The following ACER3 variants were observed in gnomAD, a reference collection of about 807,000 sequenced individuals.
ACER3 encodes the protein alkCDase 3.
ACER3 carries 16 observed loss-of-function variants against 48.9 expected under a neutral mutation model. The ratio of observed to expected loss-of-function variants is 0.33; its 90% CI spans 0.22 to 0.50. The LOEUF (loss-of-function observed/expected upper bound fraction) is 0.50. ACER3 is among the 20% of genes least tolerant of loss of function. The pLI, the probability that ACER3 is intolerant of heterozygous loss-of-function variation, is 0.98. For synonymous variants in ACER3, 109 were observed against 107.8 expected (o/e 1.01, Z -0.07); for missense variants, 227 against 326.0 (o/e 0.70, Z 2.34).
At chr11:76,950,922 A>T (rs1191662232) in intron 2 of ACER3, among the ~76,000 whole-genome samples, 1 of 152,348 alleles carries the variant, frequency 6.6e-6, no homozygotes, top group Non-Finnish European at 1.5e-5. Flanking sequence ...TAAAAATTCT[A>T]CTTGCCCTCA....
At chr11:77,015,978 G>A (rs1445423957) in intron 8 of ACER3, among the ~76,000 whole-genome samples, 1 of 151,958 alleles carries the variant, frequency 6.6e-6, no homozygotes, top group African/African-American at 2.4e-5. Flanking sequence ...CTGGTGACGT[G>A]TGCCTGTAAT....
chr11:76,944,034 T>C (rs1333789013), intron 2 of ACER3, among the ~76,000 whole-genome samples: 1 of 151,862 alleles, frequency 6.6e-6, no homozygotes, highest in Non-Finnish European at 1.5e-5. Flanking sequence ...TTACTGTCAG[T>C]CTATATGTGT....
intron 2 of ACER3, 26 bp from the exon 3 acceptor site, chr11:76,958,953 A>AT (rs778377470): frequency 9.3e-6 from 15 of 1,612,326 alleles, no homozygotes; most frequent in Admixed American, 1.7e-5. Context: ...TTTCATGCTA[A>AT]TTTTTTTTCA....
Position 77,025,626 on chromosome 11 carries a change from G to C in ACER3, c.*5299G>C, listed in dbSNP as rs1949540845. 6.6e-6 allele frequency: 1 copy of C among 152,048 alleles called. No homozygotes were observed. Among genetic ancestry groups the C allele is most frequent in the Non-Finnish European group, 1.5e-5 (1 of 68,044 alleles). 9.4% of individuals were successfully genotyped at this position (152,048 alleles called of 1,614,324 possible). Reference sequence around the variant, plus strand: ...GAGCTGGGTTGGCCAGGCTGGTCTTGAACTCCTGACCTCAAGTGATTCACC... The same window carrying C: ...GAGCTGGGTTGGCCAGGCTGGTCTTCAACTCCTGACCTCAAGTGATTCACC... On this transcript the variant is annotated 3_prime_UTR_variant, in exon 11 of 11. Transcript: ENST00000532485.
intron 4 of ACER3, 43 bp downstream of exon 4, chr11:76,976,384 T>G: frequency 7.8e-7 from 1 of 1,280,370 alleles, no homozygotes; most frequent in Non-Finnish European, 1.1e-6. Flanking sequence ...ATTTTTAAAT[T>G]TATATTTACC....
intron 1 of ACER3, among the ~76,000 whole-genome samples, chr11:76,909,850 G>A (rs937552550): frequency 2.0e-4 from 31 of 152,174 alleles, no homozygotes; most frequent in East Asian, 7.7e-4. Context: ...ATTCACAATA[G>A]CAAAGACTTG....
At chr11:76,889,245 G>A (rs1383696086) in intron 1 of ACER3, among the ~76,000 whole-genome samples, 3 of 151,900 alleles carry the variant, frequency 2.0e-5, no homozygotes, top group Admixed American at 6.6e-5. Context: ...AGTCATAACT[G>A]AGGTATTACT....
At chr11:76,944,550 A>G (rs1392604464) in intron 2 of ACER3, among the ~76,000 whole-genome samples, 1 of 152,050 alleles carries the variant, frequency 6.6e-6, no homozygotes, top group African/African-American at 2.4e-5. Context: ...TCTGGCCTGT[A>G]AGGTTTCTAT....
intron 1 of ACER3, among the ~76,000 whole-genome samples, chr11:76,872,898 C>CTTTTTTTTTT (rs1201710346): frequency 9.0e-6 from 1 of 110,616 alleles, no homozygotes; most frequent in Non-Finnish European, 1.8e-5. Context: ...TTCTTTCTTT[C>CTTTTTTTTTT]TTTTTTCTTT....
intron 2 of ACER3, among the ~76,000 whole-genome samples, chr11:76,954,201 C>G (rs760947361): frequency 2.0e-5 from 3 of 152,168 alleles, no homozygotes; most frequent in Non-Finnish European, 2.9e-5. Context: ...CCCACCTCGG[C>G]CTCCCAAAGT....
rs933152255 is a variant in ACER3 at position 76,971,308 on chromosome 11, G to A, written c.268-4981G>A. ...TGTAATCGCAGCACTTTGGGAGGCC[G>A]AGGTGGGTGGATCACGAGGTCAAGA... is the stretch of plus-strand genomic sequence containing the variant. On this transcript the variant is annotated intron_variant, in intron 3 of 10. Coordinates refer to ENST00000532485, the MANE Select transcript of ACER3 (RefSeq NM_018367.7). Among the ~76,000 whole-genome samples the A allele has an allele frequency of 4.6e-5, 7 of 152,206 alleles. No individual in the cohort carries two copies. In the East Asian group the frequency reaches 5.8e-4, roughly 13 times the overall value.
intron 2 of ACER3, among the ~76,000 whole-genome samples, chr11:76,933,240 CTT>C (rs34058460): frequency 0.56 from 72,744 of 129,666 alleles, 22,716 homozygotes; most frequent in Non-Finnish European, 0.73. Flanking sequence ...AATTAGAAAT[CTT>C]TTTTTTTTTT....
chr11:77,012,416 C>CAAAAAAAAAA (rs35917677), intron 7 of ACER3, among the ~76,000 whole-genome samples: 1 of 21,386 alleles, frequency 4.7e-5, no homozygotes. Flanking sequence ...GACTCCATCT[C>CAAAAAAAAAA]AAAAAAAAAA....
At chr11:76,930,830 C>A (rs1946979325) in intron 2 of ACER3, among the ~76,000 whole-genome samples, 1 of 152,024 alleles carries the variant, frequency 6.6e-6, no homozygotes, top group African/African-American at 2.4e-5. Flanking sequence ...GTCTGAGAGA[C>A]AGTTTGTTAT....
rs116861894 is a variant in ACER3 at position 76,985,481 on chromosome 11, G to A, written c.321-162G>A. On this transcript the variant is annotated intron_variant, in intron 4 of 10. Coordinates refer to ENST00000532485, the MANE Select transcript of ACER3 (RefSeq NM_018367.7). ...CACGTGTCTACTCCTAGTCCTTCCA[G>A]CCTCTTAGAGGATAATAGGCAGTGC... is the stretch of plus-strand genomic sequence containing the variant. 3.9e-5 allele frequency among the ~76,000 whole-genome samples: 6 copies of A among 152,248 alleles called. No homozygotes were observed. In the East Asian group the frequency reaches 5.8e-4, roughly 15 times the overall value.
chr11:76,874,932 A>G (rs976084189), intron 1 of ACER3, among the ~76,000 whole-genome samples: 6 of 152,120 alleles, frequency 3.9e-5, no homozygotes, highest in African/African-American at 7.2e-5. Flanking sequence ...GCTTTTGCAC[A>G]TGCTGTTGGC....
chr11:76,874,403 T>TAA (rs11426478), intron 1 of ACER3, among the ~76,000 whole-genome samples: 58,731 of 148,236 alleles, frequency 0.4, 14,018 homozygotes, highest in Non-Finnish European at 0.55. Context: ...AAAAATAAGT[T>TAA]AAAAAAAAAA....
In ACER3 at chr11:77,024,956, A is replaced by G. The variant is rs1949529187; in HGVS notation, c.*4629A>G. On this transcript the variant is annotated 3_prime_UTR_variant, in exon 11 of 11. Transcript: ENST00000532485. ...CTCAGCAGCCATCAGTCAGTATAGC[A>G]TCAGCCACAGGTCACTGCTCTGCAT... 1 of 152,242 alleles carries G rather than the reference A, an allele frequency of 6.6e-6. No individual in the cohort carries two copies. Among genetic ancestry groups the G allele is most frequent in the South Asian group, 2.1e-4 (1 of 4,838 alleles). 9.4% of individuals were successfully genotyped at this position (152,242 alleles called of 1,614,324 possible).
In ACER3 at chr11:76,867,972, TG is replaced by T. The variant is rs1160839103; in HGVS notation, c.103+6898del. 1.0e-4 allele frequency: 56 copies of T among 537,948 alleles called. No individual in the cohort carries two copies. In the East Asian group the frequency reaches 1.6e-3, roughly 15 times the overall value. The allele number at this position is 537,948 out of a possible 1,614,324, so 33.3% of individuals were successfully genotyped here. ...ACCTTTACTATGGGATTCACTTAGA[TG>T]GGGGAACAAGGTCTTTTTTTTCCTT... On this transcript the variant is annotated intron_variant, in intron 1 of 10. Coordinates refer to ENST00000532485, the MANE Select transcript of ACER3 (RefSeq NM_018367.7).
Sources: allele counts gnomAD v4.1 joint callset (sites outside exome capture counted in the v4.1 genomes callset), GRCh38; gene constraint gnomAD v4.1.1; transcripts MANE v1.5; gene names NCBI Gene and HGNC (gene_info 2026-07-23, HGNC 2026-07-21).